Variants in SUCLG2 observed in about 807,000 individuals in gnomAD.
SUCLG2 encodes succinate--CoA ligase [GDP-forming] subunit beta, mitochondrial.
A neutral mutation model predicts 47.9 loss-of-function variants in SUCLG2; 42 were observed. That is an observed-to-expected ratio of 0.88 (90% CI 0.69 to 1.14). The LOEUF (loss-of-function observed/expected upper bound fraction) is 1.14. SUCLG2 is among the 50% of genes most tolerant of loss of function. The pLI is 0.00. For missense variants in SUCLG2, 571 were observed against 525.9 expected, an observed-to-expected ratio of 1.09 and a Z score of -0.84; for synonymous variants, 195 against 197.3, an observed-to-expected ratio of 0.99 and a Z score of 0.10.
intron 1 of SUCLG2, among the ~76,000 whole-genome samples, chr3:67,633,977 T>C (rs974844401): frequency 2.0e-5 from 3 of 152,220 alleles, no homozygotes; most frequent in Non-Finnish European, 2.9e-5. Flanking sequence ...ACTCCATTCC[T>C]GGAATAAAGT....
At chr3:67,476,647 AG>A (rs1704767374) in intron 9 of SUCLG2, among the ~76,000 whole-genome samples, 1 of 152,172 alleles carries the variant, frequency 6.6e-6, no homozygotes, top group Non-Finnish European at 1.5e-5. Context: ...CTCACTCAGT[AG>A]AAAAACTGTC....
At chr3:67,412,682 A>G (rs1260020577) in intron 9 of SUCLG2, among the ~76,000 whole-genome samples, 1 of 151,988 alleles carries the variant, frequency 6.6e-6, no homozygotes, top group East Asian at 1.9e-4. Context: ...TCATTACAGG[A>G]TATTCTCTTC....
chr3:67,509,859 T>C (rs1705737625), intron 6 of SUCLG2, among the ~76,000 whole-genome samples: 2 of 152,220 alleles, frequency 1.3e-5, no homozygotes, highest in Admixed American at 1.3e-4. Flanking sequence ...AACTCTACTC[T>C]GTATATCAGA....
At chr3:67,396,436 T>C (rs1015303679) in intron 10 of SUCLG2, among the ~76,000 whole-genome samples, 8 of 152,090 alleles carry the variant, frequency 5.3e-5, no homozygotes, top group African/African-American at 1.9e-4. Flanking sequence ...AATGGATAAA[T>C]TCCTTGACAC....
chr3:67,483,391 C>T (rs976883256), intron 9 of SUCLG2, among the ~76,000 whole-genome samples: 3 of 152,240 alleles, frequency 2.0e-5, no homozygotes, highest in Non-Finnish European at 4.4e-5. Context: ...CATGGAACGG[C>T]GATGACATTT....
chr3:67,520,572 C>A lies in SUCLG2; in HGVS notation c.480G>T (p.Arg160=). The A allele has an allele frequency of 6.2e-7, 1 of 1,614,150 alleles. No individual in the cohort carries two copies. Among genetic ancestry groups the A allele is most frequent in the Non-Finnish European group, 8.5e-7 (1 of 1,180,000 alleles). ...CCACCAGCACGGGGCCATTGCAGGA[C>A]CGGTCCATCAGAATTGCCAGGTAGG... is the stretch of plus-strand genomic sequence containing the variant. The part of the protein sequence containing the change: ...RETYLAILMD[R]SCNGPVLVGS... The change falls in exon 5 of 11, where the codon CGG becomes CGT. Residue 160 remains arginine, a synonymous_variant. Transcript: ENST00000307227.
chr3:67,648,448 G>A (rs1701230371), intron 1 of SUCLG2, among the ~76,000 whole-genome samples: 1 of 152,190 alleles, frequency 6.6e-6, no homozygotes, highest in South Asian at 2.1e-4. Context: ...TAACTGCCTA[G>A]TTCAGCCCAA....
intron 1 of SUCLG2, among the ~76,000 whole-genome samples, chr3:67,617,614 T>C (rs559205965): frequency 6.6e-6 from 1 of 152,246 alleles, no homozygotes; most frequent in Non-Finnish European, 1.5e-5. Flanking sequence ...AGAAAATGAA[T>C]TAACCAATTA....
chr3:67,513,740 A>G (rs1475887404), intron 6 of SUCLG2, among the ~76,000 whole-genome samples: 2 of 152,256 alleles, frequency 1.3e-5, no homozygotes, highest in Non-Finnish European at 2.9e-5. Context: ...ACCACTGCGT[A>G]CAAAAAGTTT....
At chr3:67,514,770 C>A (rs1705896479) in intron 6 of SUCLG2, among the ~76,000 whole-genome samples, 2 of 152,182 alleles carry the variant, frequency 1.3e-5, no homozygotes, top group Non-Finnish European at 2.9e-5. Context: ...GGATGGAACA[C>A]AGCACTAAAG....
chr3:67,510,457 T>C (rs1705756059), intron 6 of SUCLG2, among the ~76,000 whole-genome samples: 1 of 152,208 alleles, frequency 6.6e-6, no homozygotes, highest in Non-Finnish European at 1.5e-5. Context: ...GGGTTTTCCC[T>C]GATTGTACCA....
In SUCLG2 at chr3:67,461,405, C is replaced by T. The variant is rs573512870; in HGVS notation, c.1062+34393G>A. Among the ~76,000 whole-genome samples the T allele has an allele frequency of 8.5e-5, 13 of 152,058 alleles. No individual in the cohort carries two copies. In the South Asian group the frequency reaches 2.7e-3, roughly 32 times the overall value. On this transcript the variant is annotated intron_variant, in intron 9 of 10. Transcript: ENST00000307227. ...GCAAGTAAAAACATAAAATGTAATT[C>T]GAATTCCATATAACGGTATTGGAAG... is the stretch of plus-strand genomic sequence containing the variant.
intron 7 of SUCLG2, among the ~76,000 whole-genome samples, chr3:67,498,899 G>C (rs1274738015): frequency 6.6e-6 from 1 of 152,102 alleles, no homozygotes; most frequent in East Asian, 1.9e-4. Flanking sequence ...AACAACATGG[G>C]TTTGAACTGT....
At chr3:67,497,977 C>T (rs1354645924) in intron 8 of SUCLG2, among the ~76,000 whole-genome samples, 157 bp downstream of exon 8, 1 of 152,120 alleles carries the variant, frequency 6.6e-6, no homozygotes, top group Non-Finnish European at 1.5e-5. Context: ...TTAATCAAAA[C>T]AACTTTGAGA....
chr3:67,401,025 G>C (rs1308162415), intron 9 of SUCLG2, among the ~76,000 whole-genome samples, 174 bp from the exon 10 acceptor site: 1 of 152,054 alleles, frequency 6.6e-6, no homozygotes, highest in Non-Finnish European at 1.5e-5. Context: ...GCTCATATTA[G>C]TAATAAATTA....
At chr3:67,644,699 A>G (rs1395437536) in intron 1 of SUCLG2, among the ~76,000 whole-genome samples, 1 of 151,808 alleles carries the variant, frequency 6.6e-6, no homozygotes, top group African/African-American at 2.4e-5. Context: ...TATATAATAA[A>G]AATTTTAAAT....
At chr3:67,546,940 A>G (rs1258235723) in intron 2 of SUCLG2, among the ~76,000 whole-genome samples, 3 of 152,208 alleles carry the variant, frequency 2.0e-5, no homozygotes, top group African/African-American at 7.2e-5. Flanking sequence ...TTGCATCATC[A>G]CAGCTGGAAA....
At chr3:67,413,093 G>A (rs1021375664) in intron 9 of SUCLG2, among the ~76,000 whole-genome samples, 1 of 152,104 alleles carries the variant, frequency 6.6e-6, no homozygotes, top group African/African-American at 2.4e-5. Flanking sequence ...TTTGGGACAT[G>A]GCTAATACCT....
At chr3:67,381,870 T>A (rs962647279) in intron 10 of SUCLG2, among the ~76,000 whole-genome samples, 1 of 152,112 alleles carries the variant, frequency 6.6e-6, no homozygotes, top group Non-Finnish European at 1.5e-5. Flanking sequence ...TGCCACTGGG[T>A]GGAGTAAGAG....
Sources: allele counts gnomAD v4.1 joint callset (sites outside exome capture counted in the v4.1 genomes callset), GRCh38; gene constraint gnomAD v4.1.1; transcripts MANE v1.5; gene names NCBI Gene and HGNC (gene_info 2026-07-23, HGNC 2026-07-21).